Variants in CYSTM1 observed in about 807,000 individuals in gnomAD.
CYSTM1 encodes cysteine rich transmembrane module containing 1.
A neutral mutation model predicts 13.1 loss-of-function variants in CYSTM1; 4 were observed. The observed-to-expected ratio is 0.31, with a 90% CI of 0.15 to 0.70. CYSTM1 has a LOEUF of 0.70. CYSTM1 is among the 30% of genes least tolerant of loss of function. The pLI, the probability that CYSTM1 is intolerant of heterozygous loss-of-function variation, is 0.72. For missense variants in CYSTM1, 96 were observed against 121.6 expected (o/e 0.79, Z 0.99); for synonymous variants, 36 against 42.7 (o/e 0.84, Z 0.62).
intron 2 of CYSTM1, among the ~76,000 whole-genome samples, chr5:140,232,241 G>C (rs926003460): frequency 3.3e-5 from 5 of 152,202 alleles, no homozygotes; most frequent in Non-Finnish European, 7.3e-5. Context: ...GTATCTATGA[G>C]ACATTCAAGT....
intron 2 of CYSTM1, among the ~76,000 whole-genome samples, chr5:140,211,564 A>G (rs1183938036): frequency 6.6e-6 from 1 of 152,224 alleles, no homozygotes; most frequent in Non-Finnish European, 1.5e-5. Flanking sequence ...ACTTCCATGT[A>G]TCATGTGGCC....
chr5:140,210,678 A>G (rs1764357359), intron 2 of CYSTM1, among the ~76,000 whole-genome samples: 1 of 151,886 alleles, frequency 6.6e-6, no homozygotes, highest in African/African-American at 2.4e-5. Flanking sequence ...TGCCCAGCTA[A>G]TTTTTGTATT....
intron 1 of CYSTM1, among the ~76,000 whole-genome samples, chr5:140,181,444 T>A (rs1468996318): frequency 6.6e-6 from 1 of 152,188 alleles, no homozygotes; most frequent in East Asian, 1.9e-4. Context: ...GCCTTTAATG[T>A]CTGGTGGTGG....
rs74352635 is a variant in CYSTM1, at chr5:140,232,620, C to T, written c.188-10685C>T. On this transcript the variant is annotated intron_variant, in intron 2 of 2. Transcript: ENST00000261811. Reference sequence around the variant, plus strand: ...TTTCACTGAGGAGGTGGACTTTTCTCCAGTTCTTGTTCTGTGAAGGAAATC... The same window carrying T: ...TTTCACTGAGGAGGTGGACTTTTCTTCAGTTCTTGTTCTGTGAAGGAAATC... Among the ~76,000 whole-genome samples the T allele has an allele frequency of 2.9e-3, 448 of 152,254 alleles. 2 individuals are homozygous for T. The highest frequency in any genetic ancestry group is 0.02 in the Middle Eastern group (6 of 294).
At chr5:140,223,797 C>T (rs1220982308) in intron 2 of CYSTM1, among the ~76,000 whole-genome samples, 2 of 152,200 alleles carry the variant, frequency 1.3e-5, no homozygotes, top group Admixed American at 1.3e-4. Flanking sequence ...CACTTTGCTG[C>T]ACTGGGGTAG....
At chr5:140,213,108 A>T (rs569227870) in intron 2 of CYSTM1, among the ~76,000 whole-genome samples, 5 of 150,812 alleles carry the variant, frequency 3.3e-5, no homozygotes, top group African/African-American at 1.2e-4. Context: ...ATTCCAGAAG[A>T]AGTCATTAGA....
At chr5:140,209,406 A>C (rs1376637834) in intron 2 of CYSTM1, among the ~76,000 whole-genome samples, 1 of 149,674 alleles carries the variant, frequency 6.7e-6, no homozygotes, top group Admixed American at 6.7e-5. Flanking sequence ...AGCTGGGATT[A>C]CAGGCACACA....
chr5:140,183,813 G>A (rs1340832818), intron 1 of CYSTM1, among the ~76,000 whole-genome samples: 2 of 152,182 alleles, frequency 1.3e-5, no homozygotes, highest in South Asian at 4.1e-4. Flanking sequence ...GAAGGCTGGA[G>A]AAGGAGCCCT....
intron 2 of CYSTM1, among the ~76,000 whole-genome samples, chr5:140,232,597 T>C (rs1201412581): frequency 6.6e-6 from 1 of 152,224 alleles, no homozygotes; most frequent in Non-Finnish European, 1.5e-5. Context: ...TACACTGTTT[T>C]CACTGAGGAG....
At chr5:140,195,796 G>C (rs1255029069) in intron 2 of CYSTM1, among the ~76,000 whole-genome samples, 16 of 150,128 alleles carry the variant, frequency 1.1e-4, no homozygotes, top group African/African-American at 3.9e-4. Flanking sequence ...TGTAATCCCA[G>C]CACTTTGGGA....
intron 2 of CYSTM1, among the ~76,000 whole-genome samples, chr5:140,199,051 G>C (rs1764187344): frequency 6.6e-6 from 1 of 152,078 alleles, no homozygotes; most frequent in Non-Finnish European, 1.5e-5. Flanking sequence ...GTAAGAACAT[G>C]TGGTGTTTGG....
intron 2 of CYSTM1, chr5:140,203,307 C>G (rs941351450): frequency 6.6e-6 from 1 of 152,194 alleles, no homozygotes; most frequent in Non-Finnish European, 1.5e-5. Context: ...CCCGATTTCC[C>G]CAAACCTTAC....
At chr5:140,177,183 A>G (rs964953715) in intron 1 of CYSTM1, among the ~76,000 whole-genome samples, 2 of 152,192 alleles carry the variant, frequency 1.3e-5, no homozygotes, top group Non-Finnish European at 2.9e-5. Context: ...CAACAGGAAA[A>G]ATATATTTTG....
chr5:140,198,150 C>G (rs1764177790), intron 2 of CYSTM1, among the ~76,000 whole-genome samples: 1 of 152,294 alleles, frequency 6.6e-6, no homozygotes, highest in Non-Finnish European at 1.5e-5. Context: ...GAGCACCATG[C>G]TTGGTGTTAG....
intron 2 of CYSTM1, among the ~76,000 whole-genome samples, chr5:140,238,621 A>G (rs1764711969): frequency 6.6e-6 from 1 of 152,206 alleles, no homozygotes; most frequent in South Asian, 2.1e-4. Flanking sequence ...ATCCAAGGAA[A>G]GCTGAACTGA....
chr5:140,217,701 T>C (rs1054042627), intron 2 of CYSTM1, among the ~76,000 whole-genome samples: 2 of 152,210 alleles, frequency 1.3e-5, no homozygotes, highest in Non-Finnish European at 2.9e-5. Flanking sequence ...TTGGGTCTCA[T>C]ATTTTTCCTT....
intron 2 of CYSTM1, among the ~76,000 whole-genome samples, chr5:140,240,081 G>A (rs1391875608): frequency 6.6e-6 from 1 of 152,094 alleles, no homozygotes; most frequent in East Asian, 1.9e-4. Flanking sequence ...CTCAATCTGA[G>A]CAGCCACAGC....
intron 2 of CYSTM1, among the ~76,000 whole-genome samples, chr5:140,206,603 C>T (rs1764300694): frequency 7.4e-6 from 1 of 135,854 alleles, no homozygotes; most frequent in Non-Finnish European, 1.6e-5. Flanking sequence ...TTGTGCTGAG[C>T]ACTGTTGTTT....
At chr5:140,221,471 A>G (rs1215455782) in intron 2 of CYSTM1, among the ~76,000 whole-genome samples, 2 of 152,202 alleles carry the variant, frequency 1.3e-5, no homozygotes, top group African/African-American at 2.4e-5. Flanking sequence ...ATCATATAGT[A>G]TTTGTCCTTC....
Sources: allele counts gnomAD v4.1 joint callset (sites outside exome capture counted in the v4.1 genomes callset), GRCh38; gene constraint gnomAD v4.1.1; transcripts MANE v1.5; gene names NCBI Gene and HGNC (gene_info 2026-07-23, HGNC 2026-07-21).